The following TLK1 variants were observed in gnomAD, a reference collection of about 807,000 sequenced individuals.
TLK1 encodes the protein tousled like kinase 1.
In TLK1, 24 loss-of-function variants were observed where a neutral mutation model predicts 105.3. The ratio of observed to expected loss-of-function variants is 0.23; its 90% CI spans 0.17 to 0.32. The LOEUF (loss-of-function observed/expected upper bound fraction) is 0.32, where lower values mean the gene tolerates loss of function less well. Ranked by LOEUF, TLK1 falls within the 10% of genes least tolerant of loss-of-function variation. The pLI is 1.00. For missense variants in TLK1, 558 were observed against 910.5 expected (o/e 0.61, Z 4.98); for synonymous variants, 321 against 310.4 (o/e 1.03, Z -0.36).
At chr2:171,043,922 C>A (rs1236229667) in intron 11 of TLK1, among the ~76,000 whole-genome samples, 2 of 152,090 alleles carry the variant, frequency 1.3e-5, no homozygotes, top group Non-Finnish European at 2.9e-5. Flanking sequence ...CAGTCATTCA[C>A]CTGGCTTTTG....
chr2:171,053,345 C>T (rs1350035944), intron 8 of TLK1, among the ~76,000 whole-genome samples: 2 of 151,872 alleles, frequency 1.3e-5, no homozygotes, highest in Middle Eastern at 3.4e-3. Context: ...ACAGAAAAAG[C>T]TTATTGAGTT....
At chr2:171,026,597 G>A (rs1431476045) in intron 12 of TLK1, among the ~76,000 whole-genome samples, 2 of 152,098 alleles carry the variant, frequency 1.3e-5, no homozygotes, top group Non-Finnish European at 1.5e-5. Flanking sequence ...AAACTCTCAA[G>A]TACACCTTGG....
intron 1 of TLK1, chr2:171,153,846 C>T (rs1692134781): frequency 6.6e-6 from 1 of 152,202 alleles, no homozygotes; most frequent in South Asian, 2.1e-4. Flanking sequence ...TATCACACTA[C>T]TTACCATGCT....
chr2:171,107,486 A>C (rs540154632), intron 2 of TLK1, among the ~76,000 whole-genome samples: 1 of 152,340 alleles, frequency 6.6e-6, no homozygotes, highest in Admixed American at 6.5e-5. Flanking sequence ...ATTAGCTGGC[A>C]TTCTTCTAAG....
chr2:171,038,422 T>G, intron 11 of TLK1, among the ~76,000 whole-genome samples: 1 of 152,294 alleles, frequency 6.6e-6, no homozygotes, highest in Non-Finnish European at 1.5e-5. Context: ...AGTTTTAGTT[T>G]TTCTTCTTTT....
chr2:171,165,809 G>T (rs2105299230), upstream of TLK1, among the ~76,000 whole-genome samples: 1 of 152,034 alleles, frequency 6.6e-6, no homozygotes, highest in South Asian at 2.1e-4. Flanking sequence ...TACTCAGGAG[G>T]CTGAGGCAGG....
chr2:171,148,865 G>A (rs1283079441), intron 1 of TLK1, among the ~76,000 whole-genome samples: 2 of 125,770 alleles, frequency 1.6e-5, no homozygotes, highest in African/African-American at 5.9e-5. Flanking sequence ...GGGTAAGAGG[G>A]TGAGACTCTG....
At chr2:171,092,368 T>C (rs1421741223) in intron 2 of TLK1, among the ~76,000 whole-genome samples, 1 of 152,330 alleles carries the variant, frequency 6.6e-6, no homozygotes, top group East Asian at 1.9e-4. Flanking sequence ...TATGACCAGC[T>C]GTAGGCAAAA....
chr2:171,104,917 A>G (rs1464787913), intron 2 of TLK1, among the ~76,000 whole-genome samples: 8 of 152,232 alleles, frequency 5.3e-5, no homozygotes, highest in African/African-American at 1.9e-4. Context: ...AATCTTCGAC[A>G]AAGGCACTGG....
chr2:171,177,497 C>CA (rs144680587), intron 1 of TLK1, among the ~76,000 whole-genome samples: 5,601 of 152,178 alleles, frequency 0.037, 338 homozygotes, highest in African/African-American at 0.13. Context: ...ACAGAAAGCC[C>CA]TTGTGAGAGA....
intron 2 of TLK1, among the ~76,000 whole-genome samples, chr2:171,091,177 C>T (rs1689214226): frequency 1.3e-5 from 2 of 152,164 alleles, no homozygotes; most frequent in Admixed American, 6.6e-5. Context: ...GACCACATGA[C>T]CTACAGATAT....
chr2:171,071,383 G>T (rs1448817965), intron 3 of TLK1, among the ~76,000 whole-genome samples: 2 of 151,988 alleles, frequency 1.3e-5, no homozygotes, highest in African/African-American at 4.8e-5. Flanking sequence ...TGCCTCCCGG[G>T]TTCACGCCAT....
chr2:171,205,165 A>C (rs1216637647), intron 1 of TLK1, among the ~76,000 whole-genome samples: 1 of 152,068 alleles, frequency 6.6e-6, no homozygotes, highest in African/African-American at 2.4e-5. Context: ...GTGGGCCATG[A>C]TCATATGACT....
chr2:171,205,516 G>C (rs1344025578), intron 1 of TLK1, among the ~76,000 whole-genome samples: 1 of 151,978 alleles, frequency 6.6e-6, no homozygotes, highest in Non-Finnish European at 1.5e-5. Context: ...TACAAATGAG[G>C]TTTTGCCATG....
At chr2:171,135,317 G>GTA (rs1445251221) in intron 1 of TLK1, among the ~76,000 whole-genome samples, 22 of 53,402 alleles carry the variant, frequency 4.1e-4, no homozygotes, top group Admixed American at 1.1e-3. Context: ...GTGTGTGTGT[G>GTA]TGTATATATA....
chr2:171,161,826 G>T (rs1575641732), upstream of TLK1, among the ~76,000 whole-genome samples: 1 of 151,608 alleles, frequency 6.6e-6, no homozygotes, highest in African/African-American at 2.4e-5. Context: ...ACCCACACAA[G>T]TATACTCACA....
intron 12 of TLK1, among the ~76,000 whole-genome samples, chr2:171,026,996 C>T (rs1685805034): frequency 6.6e-6 from 1 of 151,998 alleles, no homozygotes; most frequent in African/African-American, 2.4e-5. Context: ...AAGTAGTTTA[C>T]GTTGAAGCTT....
intron 1 of TLK1, among the ~76,000 whole-genome samples, chr2:171,180,209 C>T (rs544730532): frequency 1.3e-5 from 2 of 151,048 alleles, no homozygotes; most frequent in African/African-American, 4.9e-5. Context: ...AGAGCGAGAG[C>T]GAGACTTTGT....
At chr2:171,022,440 A>C (rs1450152758) in intron 12 of TLK1, among the ~76,000 whole-genome samples, 2 of 151,454 alleles carry the variant, frequency 1.3e-5, no homozygotes, top group Non-Finnish European at 2.9e-5. Context: ...ACACACACAC[A>C]CCTCCCTCCA....
Sources: allele counts gnomAD v4.1 joint callset (sites outside exome capture counted in the v4.1 genomes callset), GRCh38; gene constraint gnomAD v4.1.1; transcripts MANE v1.5; gene names NCBI Gene and HGNC (gene_info 2026-07-23, HGNC 2026-07-21).